Variants in YJEFN3 observed in about 807,000 individuals in gnomAD.
YJEFN3 encodes YjeF N-terminal domain containing 3.
A neutral mutation model predicts 31.5 loss-of-function variants in YJEFN3; 29 were observed. The ratio of observed to expected loss-of-function variants is 0.92; its 90% confidence interval spans 0.69 to 1.26. The LOEUF is 1.26. Ranked by LOEUF, YJEFN3 falls within the 50% of genes most tolerant of loss-of-function variation. The pLI is 0.00. For missense variants in YJEFN3, 442 were observed against 425.4 expected, an observed-to-expected ratio of 1.04 and a Z score of -0.34; for synonymous variants, 227 against 196.1, an observed-to-expected ratio of 1.16 and a Z score of -1.32.
chr19:19,536,756 G>T (rs938953684), intron 6 of YJEFN3, among the ~76,000 whole-genome samples: 4 of 151,260 alleles, frequency 2.6e-5, no homozygotes, highest in Admixed American at 6.6e-5. Flanking sequence ...CAGATCACAA[G>T]GTCAGGAGTT....
chr19:19,535,215 G>C, intron 4 of YJEFN3, 71 bp downstream of exon 4: 1 of 1,515,468 alleles, frequency 6.6e-7, no homozygotes, highest in East Asian at 2.3e-5. Context: ...TCTTTTGATA[G>C]CTTCCCAGGG....
chr19:19,529,514 G>T lies in YJEFN3; in HGVS notation c.209+1G>T. 6 of 1,613,210 alleles carry T rather than the reference G, an allele frequency of 3.7e-6. No individual in the cohort carries two copies. Among genetic ancestry groups the T allele is most frequent in the Non-Finnish European group, 5.1e-6 (6 of 1,179,510 alleles). The stretch of plus-strand genomic sequence containing the variant: ...GGAACGCAGGGCCTGTTTGCCAGAG[G>T]TTGGTGAGTTTGGGATCTAGAACTG... On this transcript the variant is annotated splice_donor_variant, in intron 2 of 6. Coordinates refer to ENST00000514277, the MANE Select transcript of YJEFN3 (RefSeq NM_198537.4). LOFTEE classifies it high-confidence loss of function.
rs181022911 is a variant in YJEFN3 at position 19,531,293 on chromosome 19, G to A, written c.210-1339G>A. The stretch of plus-strand genomic sequence containing the variant: ...TGTCCTGTGGCTCTGGAGACACCAA[G>A]GGGGAAAGACCCAGTTTCCCAACTT... On this transcript the variant is annotated intron_variant, in intron 2 of 6. Transcript: ENST00000514277. Among the ~76,000 whole-genome samples the A allele has an allele frequency of 2.1e-3, 317 of 152,298 alleles. 2 individuals are homozygous for A. The highest frequency in any genetic ancestry group is 0.016 in the South Asian group (77 of 4,826).
Position 19,528,962 on chromosome 19 carries a change from G to A in YJEFN3, c.30G>A (p.Ser10=), listed in dbSNP as rs757298153. Reference sequence around the variant, plus strand: ...GCAGCGCAGCCGGCCCAGACCCGTCGGAGGCGCCCGAAGAGCGGCATTTCC... The same window carrying A: ...GCAGCGCAGCCGGCCCAGACCCGTCAGAGGCGCCCGAAGAGCGGCATTTCC... MSSAAGPDP[S]EAPEERHFLR... The change falls in exon 1 of 7, where the codon TCG becomes TCA. Residue 10 remains serine, a synonymous_variant. Coordinates refer to ENST00000514277, the MANE Select transcript of YJEFN3 (RefSeq NM_198537.4). 2.3e-4 allele frequency: 352 copies of A among 1,550,020 alleles called. No individual in the cohort carries two copies. The highest frequency in any genetic ancestry group is 3.0e-4 in the Non-Finnish European group (348 of 1,146,758).
intron 6 of YJEFN3, among the ~76,000 whole-genome samples, chr19:19,536,921 G>A (rs2061214924): frequency 6.6e-6 from 1 of 152,202 alleles, no homozygotes; most frequent in East Asian, 1.9e-4. Flanking sequence ...AGTGAGCCGA[G>A]ATTGCACCAT....
At chr19:19,531,795 G>A (rs911897063) in intron 2 of YJEFN3, among the ~76,000 whole-genome samples, 1 of 133,048 alleles carries the variant, frequency 7.5e-6, no homozygotes, top group East Asian at 2.3e-4. Context: ...GCAGTGGCAC[G>A]ATCTCGGCTC....
chr19:19,532,429 G>A (rs1473297734), intron 2 of YJEFN3, among the ~76,000 whole-genome samples: 1 of 152,244 alleles, frequency 6.6e-6, no homozygotes, highest in South Asian at 2.1e-4. Flanking sequence ...CCCACACCGC[G>A]GCCCGCCAGG....
intron 2 of YJEFN3, 68 bp from the exon 3 acceptor site, chr19:19,532,563 AC>A (rs2061168139): frequency 3.6e-6 from 4 of 1,110,964 alleles, no homozygotes; most frequent in Middle Eastern, 2.0e-4. Flanking sequence ...GCTTGGCGGA[AC>A]ATTTCTGGCT....
At chr19:19,532,863 A>G (rs2061172096) in intron 3 of YJEFN3, 123 bp downstream of exon 3, 3 of 1,091,804 alleles carry the variant, frequency 2.7e-6, no homozygotes, top group Middle Eastern at 2.1e-4. Context: ...GGCCTACCCC[A>G]GCCTGATGGG....
At chr19:19,533,594 C>A in intron 3 of YJEFN3, 1 of 893,312 alleles carries the variant, frequency 1.1e-6, no homozygotes, top group Non-Finnish European at 1.3e-6. Context: ...TCCCACTTAC[C>A]CTACCTCCTC....
chr19:19,533,095 G>A, intron 3 of YJEFN3: 10 of 1,052,124 alleles, frequency 9.5e-6, no homozygotes, highest in Non-Finnish European at 1.0e-5. Context: ...AAACAACCCT[G>A]TTCTGCAGGT....
intron 1 of YJEFN3, 87 bp from the exon 2 acceptor site, chr19:19,529,276 CG>C: frequency 1.3e-6 from 2 of 1,488,820 alleles, no homozygotes; most frequent in Non-Finnish European, 1.8e-6. Context: ...CGGGGCAGCC[CG>C]CCCCTCATGA....
intron 6 of YJEFN3, chr19:19,536,099 T>C (rs1363446517): frequency 2.2e-6 from 1 of 447,882 alleles, no homozygotes; most frequent in Non-Finnish European, 4.0e-6. Context: ...CCCCTGGCTC[T>C]CGGGATCCCA....
At chr19:19,532,432 C>G (rs1412129229) in intron 2 of YJEFN3, among the ~76,000 whole-genome samples, 200 bp from the exon 3 acceptor site, 1 of 152,252 alleles carries the variant, frequency 6.6e-6, no homozygotes, top group Admixed American at 6.5e-5. Flanking sequence ...ACACCGCGGC[C>G]CGCCAGGCCT....
At chr19:19,529,875 G>A (rs2061137657) in intron 2 of YJEFN3, among the ~76,000 whole-genome samples, 1 of 152,224 alleles carries the variant, frequency 6.6e-6, no homozygotes, top group African/African-American at 2.4e-5. Flanking sequence ...CTTAGGCATG[G>A]TGAGGAGTTT....
chr19:19,534,959 C>T lies in YJEFN3; in HGVS notation c.319-75C>T, dbSNP rs187774602. ...CCAAGCCCCATCCCTTCCCCTACTC[C>T]GGGCCTCAGTTTCCTCTCCAGGCAA... On this transcript the variant is annotated intron_variant, in intron 3 of 6. Coordinates refer to ENST00000514277, the MANE Select transcript of YJEFN3 (RefSeq NM_198537.4). The surrounding 1 kb of genome is among the most constrained non-coding windows in gnomAD (Gnocchi z 4.6). The T allele has an allele frequency of 7.6e-6, 10 of 1,320,452 alleles. No individual in the cohort carries two copies. Among genetic ancestry groups the T allele is most frequent in the South Asian group, 3.0e-5 (2 of 66,010 alleles). 81.8% of individuals were successfully genotyped at this position (1,320,452 alleles called of 1,614,324 possible). A position where few individuals can be genotyped will look rare whatever the true frequency, so the allele number is the denominator to read the frequency against.
chr19:19,529,456 C>T lies in YJEFN3; in HGVS notation c.152C>T (p.Ala51Val). 1.2e-6 allele frequency: 2 copies of T among 1,614,190 alleles called. No homozygotes were observed. Among genetic ancestry groups the T allele is most frequent in the Non-Finnish European group, 8.5e-7 (1 of 1,180,022 alleles). Reference sequence around the variant, plus strand: ...TCCCTTGTCCAGAGGAGGAAACAGGCCTGGGGAAGGCAGTCATGGCTAGAG... The same window carrying T: ...TCCCTTGTCCAGAGGAGGAAACAGGTCTGGGGAAGGCAGTCATGGCTAGAG... ...TTSLVQRRKQAWGRQSWLEQI... is the reference protein window; with the variant it reads ...TTSLVQRRKQVWGRQSWLEQI... The change falls in exon 2 of 7, where the codon GCC (alanine) becomes GTC (valine). Residue 51 changes from alanine (A) to valine (V), a missense_variant. By Grantham distance (64) the Ala-to-Val change is moderately conservative. Coordinates refer to ENST00000514277, the MANE Select transcript of YJEFN3 (RefSeq NM_198537.4).
rs1448967126 is a variant in YJEFN3 at position 19,535,457 on chromosome 19, G to A, written c.543+7G>A. 3.1e-6 allele frequency: 5 copies of A among 1,613,716 alleles called. No homozygotes were observed. Among genetic ancestry groups the A allele is most frequent in the Non-Finnish European group, 3.4e-6 (4 of 1,179,884 alleles). On this transcript the variant is annotated splice_region_variant and intron_variant, in intron 5 of 6. Transcript: ENST00000514277. The stretch of plus-strand genomic sequence containing the variant: ...GAGCTACCTGCCCACTGAGGTCAGC[G>A]CTGGGTGGCAAGCAAGGGGGACATG...
chr19:19,537,430 T>C lies in YJEFN3; in HGVS notation c.806T>C (p.Phe269Ser). The C allele has an allele frequency of 6.3e-7, 1 of 1,590,094 alleles. No homozygotes were observed. Among genetic ancestry groups the C allele is most frequent in the South Asian group, 1.1e-5 (1 of 89,240 alleles). Residue 269 changes from phenylalanine to serine, a missense_variant, in exon 7 of 7, where the codon TTC becomes TCC. By Grantham distance (155) the Phe-to-Ser change is radical. Transcript: ENST00000514277. ...CAGRFSGRHH[F>S]VAGRFVPDDV... The stretch of plus-strand genomic sequence containing the variant: ...GGCCGCTTCTCCGGGCGCCACCACT[T>C]CGTGGCCGGCAGGTTCGTGCCCGAT...
Sources: allele counts gnomAD v4.1 joint callset (sites outside exome capture counted in the v4.1 genomes callset), GRCh38; gene constraint gnomAD v4.1.1; non-coding constraint Gnocchi (gnomAD v3.1); transcripts MANE v1.5; gene names NCBI Gene and HGNC (gene_info 2026-07-23, HGNC 2026-07-21).